PLD6: variants seen among roughly 807,000 people sequenced by gnomAD.
PLD6 encodes phospholipase D family member 6.
Under a neutral mutation model 9.7 loss-of-function variants are expected in PLD6, and 10 were observed. That is an observed-to-expected ratio of 1.03 (90% CI 0.64 to 1.75). The LOEUF is 1.75. PLD6 is among the 40% of genes most tolerant of loss of function. The probability of loss-of-function intolerance (pLI) is 0.00; values close to 1 mark genes in which losing one functional copy is unlikely to be tolerated. For synonymous variants in PLD6, 152 were observed against 159.2 expected, an observed-to-expected ratio of 0.96 and a Z score of 0.34; for missense variants, 334 against 347.6, an observed-to-expected ratio of 0.96 and a Z score of 0.31.
rs139543758 is a variant in PLD6, at chr17:17,202,960, G to A, written c.566C>T (p.Thr189Met). 1.1e-5 allele frequency: 17 copies of A among 1,614,182 alleles called. No homozygotes were observed. Among genetic ancestry groups the A allele is most frequent in the South Asian group, 5.5e-5 (5 of 91,084 alleles). The part of the protein sequence containing the change: ...IQNNRENVLI[T>M]EDDEYVRLFL... Reference sequence around the variant, plus strand: ...AAGCCGCACGTACTCGTCGTCCTCCGTGATGAGAACATTCTCCCTGTTGTT... The same window carrying A: ...AAGCCGCACGTACTCGTCGTCCTCCATGATGAGAACATTCTCCCTGTTGTT... Residue 189 changes from threonine (T) to methionine (M), a missense_variant, in exon 2 of 2, where the codon ACG becomes ATG. By Grantham distance (81) the Thr-to-Met change is moderately conservative. Transcript: ENST00000321560.
rs747010767 is a variant in PLD6, at chr17:17,202,898, T to G, written c.628A>C (p.Asn210His). The change falls in exon 2 of 2, where the codon AAC becomes CAC. Residue 210 changes from asparagine (N) to histidine (H), a missense_variant. Transcript: ENST00000321560. ...EEFERIWEQF[N>H]PTKYTFFPPK... ...GGGAAAAAGGTATACTTTGTAGGGTTAAACTGTTCCCAGATGCGCTCAAAT... is the reference window on the plus strand; with the variant it reads ...GGGAAAAAGGTATACTTTGTAGGGTGAAACTGTTCCCAGATGCGCTCAAAT... The G allele has an allele frequency of 6.2e-7, 1 of 1,614,224 alleles. No homozygotes were observed. Among genetic ancestry groups the G allele is most frequent in the Non-Finnish European group, 8.5e-7 (1 of 1,180,040 alleles).
chr17:17,205,818 G>A (rs1280203225), intron 1 of PLD6, 42 bp downstream of exon 1: 1 of 1,541,814 alleles, frequency 6.5e-7, no homozygotes, highest in Admixed American at 2.0e-5. Flanking sequence ...GACCCCGCGT[G>A]GGCCAAGCCG....
rs1006568880 is a variant in PLD6, at chr17:17,201,047, G to T, written c.*1720C>A. 2.0e-5 allele frequency: 3 copies of T among 152,220 alleles called. No individual in the cohort carries two copies. Among genetic ancestry groups the T allele is most frequent in the African/African-American group, 7.2e-5 (3 of 41,448 alleles). 9.4% of individuals were successfully genotyped at this position (152,220 alleles called of 1,614,324 possible). A position where few individuals can be genotyped will look rare whatever the true frequency, so the allele number is the denominator to read the frequency against. ...ATGTGCCAGAAGTCCAGGGTCACGC[G>T]GCTTCGCATTTAGGAGATGCTTTAC... On this transcript the variant is annotated 3_prime_UTR_variant, in exon 2 of 2. Coordinates refer to ENST00000321560, the MANE Select transcript of PLD6 (RefSeq NM_178836.4).
In PLD6 at chr17:17,202,792, C is replaced by T. The variant is rs372969894; in HGVS notation, c.734G>A (p.Gly245Asp). The part of the protein sequence containing the change: ...GRLLSWHRTC[G>D]TSSESQT The stretch of plus-strand genomic sequence containing the variant: ...TTAGGTTTGGCTTTCGCTGGAGGTG[C>T]CGCAAGTTCTGTGCCATGAAAGCAA... The change falls in exon 2 of 2, where the codon GGC becomes GAC. Residue 245 changes from glycine (G) to aspartate (D), a missense_variant. Gly to Asp is a moderately conservative substitution (Grantham distance 94, BLOSUM62 -1). Transcript: ENST00000321560. 14 of 1,613,624 alleles carry T rather than the reference C, an allele frequency of 8.7e-6. No homozygotes were observed. Among genetic ancestry groups the T allele is most frequent in the Admixed American group, 1.7e-5 (1 of 59,982 alleles).
At chr17:17,203,802 A>G (rs931727970) in intron 1 of PLD6, among the ~76,000 whole-genome samples, 3 of 152,234 alleles carry the variant, frequency 2.0e-5, no homozygotes, top group Non-Finnish European at 4.4e-5. Context: ...ACAGGCTGCC[A>G]TGGAACACAG....
intron 1 of PLD6, among the ~76,000 whole-genome samples, chr17:17,204,180 G>A (rs866080280): frequency 3.9e-5 from 6 of 152,112 alleles, no homozygotes; most frequent in South Asian, 2.1e-4. Flanking sequence ...CCCTCCCCGC[G>A]GCCTGCCACC....
intron 1 of PLD6, among the ~76,000 whole-genome samples, chr17:17,203,337 G>A (rs909073336): frequency 6.6e-6 from 1 of 152,204 alleles, no homozygotes; most frequent in Non-Finnish European, 1.5e-5. Flanking sequence ...GCAGGCCGTG[G>A]TCTGGGTGAG....
intron 1 of PLD6, among the ~76,000 whole-genome samples, chr17:17,203,660 C>A (rs760905883): frequency 1.3e-5 from 2 of 152,206 alleles, no homozygotes; most frequent in Non-Finnish European, 2.9e-5. Context: ...GGCATCCCGG[C>A]CTCTGCTCTT....
intron 1 of PLD6, among the ~76,000 whole-genome samples, chr17:17,204,907 G>A (rs2046703865): frequency 6.6e-6 from 1 of 152,194 alleles, no homozygotes; most frequent in Non-Finnish European, 1.5e-5. Context: ...TGAGGCCCAA[G>A]TCAACAAGAG....
At chr17:17,204,842 GC>G (rs2046703472) in intron 1 of PLD6, among the ~76,000 whole-genome samples, 1 of 152,168 alleles carries the variant, frequency 6.6e-6, no homozygotes, top group African/African-American at 2.4e-5. Context: ...CGTGCAACAT[GC>G]CCCACACCAC....
At chr17:17,205,817 T>G (rs1209413898) in intron 1 of PLD6, 43 bp downstream of exon 1, 1 of 1,541,414 alleles carries the variant, frequency 6.5e-7, no homozygotes, top group East Asian at 2.5e-5. Flanking sequence ...GGACCCCGCG[T>G]GGGCCAAGCC....
intron 1 of PLD6, 83 bp from the exon 2 acceptor site, chr17:17,203,181 T>A: frequency 7.2e-7 from 1 of 1,395,544 alleles, no homozygotes; most frequent in South Asian, 1.4e-5. Context: ...CTGGCTTTAC[T>A]ATATGTTTCC....
In PLD6 at chr17:17,202,714, C is replaced by T. The variant is rs1276570082; in HGVS notation, c.*53G>A. 5 of 1,517,232 alleles carry T rather than the reference C, an allele frequency of 3.3e-6. No homozygotes were observed. In the Admixed American group the frequency reaches 9.7e-5, roughly 29 times the overall value. The allele number at this position is 1,517,232 out of a possible 1,614,324, so 94.0% of individuals were successfully genotyped here. ...CGATTTTTTTCTAGTGCCGAGGTCT[C>T]CCTCCCTCAGAACGCACAGCAGCCC... is the stretch of plus-strand genomic sequence containing the variant. On this transcript the variant is annotated 3_prime_UTR_variant, in exon 2 of 2. Coordinates refer to ENST00000321560, the MANE Select transcript of PLD6 (RefSeq NM_178836.4).
intron 1 of PLD6, 43 bp from the exon 2 acceptor site, chr17:17,203,141 G>T (rs373078017): frequency 1.8e-5 from 28 of 1,574,324 alleles, no homozygotes; most frequent in Middle Eastern, 1.7e-4. Flanking sequence ...CAGGAGTCCC[G>T]CCCCCAGTGT....
chr17:17,202,716 C>A lies in PLD6; in HGVS notation c.*51G>T. The A allele has an allele frequency of 6.5e-7, 1 of 1,526,988 alleles. No individual in the cohort carries two copies. Among genetic ancestry groups the A allele is most frequent in the Non-Finnish European group, 8.9e-7 (1 of 1,122,928 alleles). The allele number at this position is 1,526,988 out of a possible 1,614,324, so 94.6% of individuals were successfully genotyped here. A position where few individuals can be genotyped will look rare whatever the true frequency, so the allele number is the denominator to read the frequency against. Reference sequence around the variant, plus strand: ...ATTTTTTTCTAGTGCCGAGGTCTCCCTCCCTCAGAACGCACAGCAGCCCGC... The same window carrying A: ...ATTTTTTTCTAGTGCCGAGGTCTCCATCCCTCAGAACGCACAGCAGCCCGC... On this transcript the variant is annotated 3_prime_UTR_variant, in exon 2 of 2. Coordinates refer to ENST00000321560, the MANE Select transcript of PLD6 (RefSeq NM_178836.4).
Position 17,206,044 on chromosome 17 carries a change from G to C in PLD6, c.243C>G (p.Ser81Arg). 6.5e-7 allele frequency: 1 copy of C among 1,531,276 alleles called. No individual in the cohort carries two copies. Among genetic ancestry groups the C allele is most frequent in the Non-Finnish European group, 8.7e-7 (1 of 1,143,796 alleles). The allele number at this position is 1,531,276 out of a possible 1,614,324, so 94.9% of individuals were successfully genotyped here. A position where few individuals can be genotyped will look rare whatever the true frequency, so the allele number is the denominator to read the frequency against. ...CGGCCAGCAGGGCACGCAGCAGGCGGCTTAGCGCGCTCTCGCCGTGGGGCA... is the reference window on the plus strand; with the variant it reads ...CGGCCAGCAGGGCACGCAGCAGGCGCCTTAGCGCGCTCTCGCCGTGGGGCA... ...CGLPHGESAL[S>R]RLLRALLAAR... The change falls in exon 1 of 2, where the codon AGC (serine) becomes AGG (arginine). Residue 81 changes from serine to arginine, a missense_variant. Coordinates refer to ENST00000321560, the MANE Select transcript of PLD6 (RefSeq NM_178836.4).
Position 17,201,809 on chromosome 17 carries a change from G to C in PLD6, c.*958C>G, listed in dbSNP as rs986262856. ...AGCCTAACCAACATGGTGAAACCCTGTCTCTACTAAAAATACCAAAAAAAA... is the reference window on the plus strand; with the variant it reads ...AGCCTAACCAACATGGTGAAACCCTCTCTCTACTAAAAATACCAAAAAAAA... On this transcript the variant is annotated 3_prime_UTR_variant, in exon 2 of 2. Transcript: ENST00000321560. 6.6e-6 allele frequency: 1 copy of C among 151,932 alleles called. No homozygotes were observed. Among genetic ancestry groups the C allele is most frequent in the Non-Finnish European group, 1.5e-5 (1 of 67,998 alleles). The allele number at this position is 151,932 out of a possible 1,614,324, so 9.4% of individuals were successfully genotyped here.
In PLD6 at chr17:17,203,497, G is replaced by A. The variant is rs78454494; in HGVS notation, c.428-399C>T. ...CTCTTCCACAGCTAAGGCTGAGAGC[G>A]TGCCCACTCTGCCCAGAGAGGCCCC... On this transcript the variant is annotated intron_variant, in intron 1 of 1. Coordinates refer to ENST00000321560, the MANE Select transcript of PLD6 (RefSeq NM_178836.4). Among the ~76,000 whole-genome samples the A allele has an allele frequency of 6.1e-3, 936 of 152,330 alleles. 10 individuals are homozygous for A. The highest frequency in any genetic ancestry group is 0.021 in the African/African-American group (886 of 41,568).
chr17:17,205,809 A>G, intron 1 of PLD6, 51 bp downstream of exon 1: 1 of 1,534,666 alleles, frequency 6.5e-7, no homozygotes, highest in Non-Finnish European at 8.8e-7. Flanking sequence ...TGCGCCTAGG[A>G]CCCCGCGTGG....
Sources: allele counts gnomAD v4.1 joint callset (sites outside exome capture counted in the v4.1 genomes callset), GRCh38; gene constraint gnomAD v4.1.1; transcripts MANE v1.5; gene names NCBI Gene and HGNC (gene_info 2026-07-23, HGNC 2026-07-21).